TAF2: variants seen among roughly 807,000 people sequenced by gnomAD.
TAF2 encodes the protein TATA-box binding protein associated factor 2, also known as transcription initiation factor TFIID subunit 2.
A neutral mutation model predicts 138.5 loss-of-function variants in TAF2; 61 were observed. The observed-to-expected ratio is 0.44, with a 90% CI of 0.36 to 0.54. The LOEUF (loss-of-function observed/expected upper bound fraction) is 0.54, where lower values mean the gene tolerates loss of function less well. Among genes scored for constraint, TAF2 ranks in the 20% least tolerant of loss-of-function variants. The probability of loss-of-function intolerance (pLI) is 0.00; values close to 1 mark genes in which losing one functional copy is unlikely to be tolerated. For synonymous variants in TAF2, 475 were observed against 469.9 expected (o/e 1.01, Z -0.14); for missense variants, 1,090 against 1,427.9 (o/e 0.76, Z 3.81).
In TAF2 at chr8:119,756,124, T is replaced by A; in HGVS notation, c.2769-9A>T. ...TGTTGAGAATCTTATGCCTGAAAGA[T>A]TAAAAAAAATTAAATTTTTGCTGAC... On this transcript the variant is annotated splice_polypyrimidine_tract_variant and intron_variant, in intron 21 of 25. Transcript: ENST00000378164. The A allele has an allele frequency of 3.7e-6, 6 of 1,607,104 alleles. No individual in the cohort carries two copies. The highest frequency in any genetic ancestry group is 5.1e-6 in the Non-Finnish European group (6 of 1,174,306).
intron 13 of TAF2, 76 bp downstream of exon 13, chr8:119,788,714 T>C (rs1016900004): frequency 9.7e-7 from 1 of 1,033,210 alleles, no homozygotes; most frequent in South Asian, 1.3e-5. Context: ...TTCTAAGTAG[T>C]AACCCATCCC....
chr8:119,776,849 C>G (rs1313360378), intron 18 of TAF2, among the ~76,000 whole-genome samples: 1 of 152,080 alleles, frequency 6.6e-6, no homozygotes, highest in East Asian at 1.9e-4. Context: ...TACTTCTATA[C>G]AAAACTTCCC....
At chr8:119,783,345 C>T (rs1396871242) in intron 16 of TAF2, 36 bp downstream of exon 16, 16 of 1,606,446 alleles carry the variant, frequency 1.0e-5, no homozygotes, top group Non-Finnish European at 1.3e-5. Context: ...AAAATATATA[C>T]AATAGTCATT....
chr8:119,792,652 C>T (rs6999808), intron 10 of TAF2, among the ~76,000 whole-genome samples: 46,614 of 151,928 alleles, frequency 0.31, 8,442 homozygotes, highest in African/African-American at 0.5. Context: ...TAAACCCCAA[C>T]GCAACAGTCT....
intron 2 of TAF2, among the ~76,000 whole-genome samples, chr8:119,825,193 T>C (rs1360588196): frequency 6.6e-6 from 1 of 152,240 alleles, no homozygotes; most frequent in Non-Finnish European, 1.5e-5. Context: ...GGATGTGACA[T>C]GGAGTCAAGG....
At chr8:119,809,627 C>T (rs28852781) in intron 3 of TAF2, among the ~76,000 whole-genome samples, 5,022 of 152,188 alleles carry the variant, frequency 0.033, 155 homozygotes, top group South Asian at 0.11. Context: ...CACTTGCATG[C>T]TCAGAGGCCA....
chr8:119,807,566 T>C (rs764889807), intron 3 of TAF2, among the ~76,000 whole-genome samples: 5 of 152,234 alleles, frequency 3.3e-5, no homozygotes, highest in African/African-American at 7.2e-5. Context: ...ATCCTGCCGT[T>C]AGGTGTAGCC....
At chr8:119,741,401 C>G (rs1349939459) in intron 25 of TAF2, among the ~76,000 whole-genome samples, 1 of 151,928 alleles carries the variant, frequency 6.6e-6, no homozygotes, top group African/African-American at 2.4e-5. Context: ...TTATTTACAT[C>G]TAGTAAAATT....
chr8:119,769,959 A>G (rs1009669329), intron 18 of TAF2, among the ~76,000 whole-genome samples: 1 of 151,982 alleles, frequency 6.6e-6, no homozygotes, highest in Non-Finnish European at 1.5e-5. Context: ...GGGTATCACC[A>G]TGTTAGACAG....
chr8:119,781,132 C>G lies in TAF2; in HGVS notation c.2174G>C (p.Arg725Thr), dbSNP rs1224919532. ...GPPAMKSLFT[R>T]MFCCKSCPNI... ...TGGACAACTTTTACAACAAAACATC[C>G]TAGTGAAGAGTGACTTCATGGCTGG... The change falls in exon 17 of 26, where the codon AGG becomes ACG. Residue 725 changes from arginine to threonine, a missense_variant. By Grantham distance (71) the Arg-to-Thr change is moderately conservative. This residue lies in a region of TAF2 where 580 missense variants were observed against 719.6 expected (regional missense o/e 0.81). Transcript: ENST00000378164. The G allele has an allele frequency of 6.2e-7, 1 of 1,613,944 alleles. No individual in the cohort carries two copies. Among genetic ancestry groups the G allele is most frequent in the African/African-American group, 1.3e-5 (1 of 74,914 alleles).
intron 14 of TAF2, among the ~76,000 whole-genome samples, chr8:119,787,294 A>C (rs10109718): frequency 0.27 from 41,262 of 152,080 alleles, 6,859 homozygotes; most frequent in Admixed American, 0.46. Context: ...AGCATGGCAC[A>C]TATATACATA....
chr8:119,742,862 G>A (rs961396022), intron 24 of TAF2, among the ~76,000 whole-genome samples: 2 of 151,800 alleles, frequency 1.3e-5, no homozygotes, highest in Admixed American at 6.6e-5. Flanking sequence ...AGGGAGGATC[G>A]CTTGATGCCA....
chr8:119,797,739 TG>T lies in TAF2; in HGVS notation c.899del (p.Pro300HisfsTer23), dbSNP rs1823931549. ...TGAAGACAGTCTTAAAACAGGAGTA[TG>T]GGTAACGACATGTAAGAATTTCTTC... ...FYEEILTCRYPYSCFKTVFID... is the reference protein window; with the variant it reads ...FYEEILTCRYXYSCFKTVFID... On this transcript the variant is annotated frameshift_variant, in exon 7 of 26. Coordinates refer to ENST00000378164, the MANE Select transcript of TAF2 (RefSeq NM_003184.4). LOFTEE classifies it high-confidence loss of function. 6.2e-7 allele frequency: 1 copy of T among 1,613,446 alleles called. No homozygotes were observed. Among genetic ancestry groups the T allele is most frequent in the Admixed American group, 1.7e-5 (1 of 59,972 alleles).
chr8:119,742,549 C>G lies in TAF2; in HGVS notation c.3322G>C (p.Ala1108Pro). The change falls in exon 25 of 26, where the codon GCA becomes CCA. Residue 1108 changes from alanine to proline, a missense_variant. By Grantham distance (27) the Ala-to-Pro change is conservative. Coordinates refer to ENST00000378164, the MANE Select transcript of TAF2 (RefSeq NM_003184.4). ...TTKPQWSLEL[A>P]RKGTGKEQAP... ...TTATTTTTACCTGTTCCCTTCCGTG[C>G]AAGTTCCAAACTCCACTGGGGTTTT... 1 of 1,613,880 alleles carries G rather than the reference C, an allele frequency of 6.2e-7. No individual in the cohort carries two copies. The highest frequency in any genetic ancestry group is 1.1e-5 in the South Asian group (1 of 91,072).
At chr8:119,793,168 T>C (rs532871126) in intron 10 of TAF2, among the ~76,000 whole-genome samples, 198 bp downstream of exon 10, 1 of 152,306 alleles carries the variant, frequency 6.6e-6, no homozygotes, top group East Asian at 1.9e-4. Context: ...AATCTGATAT[T>C]TTAAAAATTA....
chr8:119,768,607 C>T (rs531831657), intron 18 of TAF2, among the ~76,000 whole-genome samples: 1 of 152,292 alleles, frequency 6.6e-6, no homozygotes, highest in South Asian at 2.1e-4. Flanking sequence ...GAATGTTCCA[C>T]GTGCAGATGA....
At chr8:119,827,838 T>C (rs1044269530) in intron 2 of TAF2, among the ~76,000 whole-genome samples, 2 of 151,366 alleles carry the variant, frequency 1.3e-5, no homozygotes, top group African/African-American at 4.9e-5. Context: ...CTGCCTCCCG[T>C]GTTCAAGTGA....
chr8:119,744,138 T>A (rs1247533681), intron 24 of TAF2, 150 bp downstream of exon 24: 11 of 797,908 alleles, frequency 1.4e-5, no homozygotes, highest in Admixed American at 2.6e-5. Context: ...ATTTTGCCAA[T>A]TTATGTTATA....
At chr8:119,764,381 C>A (rs563997733) in intron 18 of TAF2, among the ~76,000 whole-genome samples, 4 of 152,196 alleles carry the variant, frequency 2.6e-5, no homozygotes, top group Admixed American at 2.0e-4. Flanking sequence ...ACTGATTAGC[C>A]TTCTTTTCAA....
Sources: gnomAD v4.1 joint callset for allele counts (sites outside exome capture counted in the v4.1 genomes callset) on GRCh38, gnomAD v4.1.1 for gene constraint, gnomAD v4.1.1 regional missense constraint, MANE v1.5 for transcripts, NCBI Gene and HGNC (gene_info 2026-07-23, HGNC 2026-07-21) for gene names.